GNA12: variants seen among roughly 807,000 people sequenced by gnomAD.
GNA12 encodes the protein guanine nucleotide-binding protein subunit alpha-12.
In GNA12, 9 loss-of-function variants were observed where a neutral mutation model predicts 26.0. The observed-to-expected ratio is 0.35, with a 90% confidence interval of 0.21 to 0.60. The LOEUF (loss-of-function observed/expected upper bound fraction) is 0.60. Ranked by LOEUF, GNA12 falls within the 20% of genes least tolerant of loss-of-function variation. The probability of loss-of-function intolerance (pLI) is 0.78; values close to 1 mark genes in which losing one functional copy is unlikely to be tolerated. For missense variants in GNA12, 405 were observed against 525.8 expected (o/e 0.77, Z 2.25); for synonymous variants, 264 against 219.6 (o/e 1.20, Z -1.79).
At chr7:2,818,660 G>C (rs934864362) in intron 1 of GNA12, among the ~76,000 whole-genome samples, 7 of 151,984 alleles carry the variant, frequency 4.6e-5, no homozygotes, top group African/African-American at 1.7e-4. Flanking sequence ...CTCCTCAAGT[G>C]GCTGAGGCAT....
At chr7:2,768,039 G>A (rs1791850805) in intron 2 of GNA12, among the ~76,000 whole-genome samples, 2 of 152,222 alleles carry the variant, frequency 1.3e-5, no homozygotes, top group Admixed American at 1.3e-4. Context: ...ATTTTTAGTA[G>A]AGACAGGGTT....
chr7:2,824,815 G>C (rs1793447164), intron 1 of GNA12, among the ~76,000 whole-genome samples: 1 of 152,164 alleles, frequency 6.6e-6, no homozygotes, highest in African/African-American at 2.4e-5. Context: ...GCGTAGCTGA[G>C]GGCCGGTGGC....
intron 1 of GNA12, among the ~76,000 whole-genome samples, chr7:2,810,438 A>G (rs1289049354): frequency 6.6e-6 from 1 of 152,250 alleles, no homozygotes; most frequent in African/African-American, 2.4e-5. Flanking sequence ...AGATGGACAC[A>G]TTCAGACCAT....
chr7:2,776,155 C>CT (rs978495222), intron 2 of GNA12, among the ~76,000 whole-genome samples: 1 of 152,200 alleles, frequency 6.6e-6, no homozygotes, highest in Non-Finnish European at 1.5e-5. Flanking sequence ...AGGCTGGTCT[C>CT]TAACTCCTAG....
At chr7:2,821,833 C>G (rs1793377148) in intron 1 of GNA12, among the ~76,000 whole-genome samples, 1 of 152,156 alleles carries the variant, frequency 6.6e-6, no homozygotes, top group Non-Finnish European at 1.5e-5. Flanking sequence ...ACTTTGTTTA[C>G]AAGATCATCA....
chr7:2,751,928 G>A (rs748885557), intron 2 of GNA12, among the ~76,000 whole-genome samples: 1 of 152,120 alleles, frequency 6.6e-6, no homozygotes, highest in Non-Finnish European at 1.5e-5. Flanking sequence ...AACACGTAAA[G>A]AAGAAATAAC....
At chr7:2,774,606 G>A (rs890717637) in intron 2 of GNA12, among the ~76,000 whole-genome samples, 2 of 152,196 alleles carry the variant, frequency 1.3e-5, no homozygotes, top group African/African-American at 2.4e-5. Context: ...TTGCTAATGT[G>A]TCGAATGCTT....
chr7:2,809,618 C>T (rs760421411), intron 1 of GNA12, among the ~76,000 whole-genome samples: 3 of 152,086 alleles, frequency 2.0e-5, no homozygotes, highest in Non-Finnish European at 2.9e-5. Context: ...CTGGGTACAC[C>T]GCCTTTGGGG....
chr7:2,785,696 C>A (rs557919479), intron 2 of GNA12, among the ~76,000 whole-genome samples: 1 of 146,410 alleles, frequency 6.8e-6, no homozygotes, highest in African/African-American at 2.7e-5. Context: ...TGTGTATGTG[C>A]ATACACACAC....
chr7:2,772,659 A>C lies in GNA12; in HGVS notation c.525+22269T>G, dbSNP rs575942645. 3.3e-5 allele frequency among the ~76,000 whole-genome samples: 5 copies of C among 152,316 alleles called. No individual in the cohort carries two copies. The South Asian group carries it at 1.0e-3, about 32-fold the overall frequency. On this transcript the variant is annotated intron_variant, in intron 2 of 3. Transcript: ENST00000275364. The stretch of plus-strand genomic sequence containing the variant: ...TCAATTGATACCCACCAGGAGGCTT[A>C]AAATCAAGAGGACAATGCCAAGTGT...
At chr7:2,817,967 T>C (rs923918366) in intron 1 of GNA12, among the ~76,000 whole-genome samples, 2 of 152,244 alleles carry the variant, frequency 1.3e-5, no homozygotes, top group African/African-American at 4.8e-5. Flanking sequence ...CCTGCTTTCA[T>C]AGTTAGGAAA....
intron 1 of GNA12, among the ~76,000 whole-genome samples, chr7:2,809,771 A>G (rs1182740061): frequency 6.6e-6 from 1 of 152,224 alleles, no homozygotes; most frequent in East Asian, 1.9e-4. Flanking sequence ...TAGAAGAAGC[A>G]ATTTTCACAC....
At chr7:2,809,672 C>A (rs965638019) in intron 1 of GNA12, among the ~76,000 whole-genome samples, 22 of 152,208 alleles carry the variant, frequency 1.4e-4, no homozygotes, top group African/African-American at 5.3e-4. Flanking sequence ...ATGAAAAAGC[C>A]TATTGACAGG....
intron 2 of GNA12, among the ~76,000 whole-genome samples, chr7:2,781,048 G>T (rs916867429): frequency 1.3e-5 from 2 of 152,170 alleles, no homozygotes; most frequent in Non-Finnish European, 2.9e-5. Context: ...TTGCAAATCT[G>T]TGAGTATATC....
At chr7:2,787,047 G>A (rs767106225) in intron 2 of GNA12, among the ~76,000 whole-genome samples, 6 of 152,142 alleles carry the variant, frequency 3.9e-5, no homozygotes, top group South Asian at 2.1e-4. Flanking sequence ...CAGCCTGGGC[G>A]TACTCACAAA....
At position 2,798,438 on chromosome 7, in the gene GNA12, C is replaced by G. The variant is rs1310599000; in HGVS notation, c.310-3295G>C. Among the ~76,000 whole-genome samples, 3 of 152,212 alleles carry G rather than the reference C, an allele frequency of 2.0e-5. No homozygotes were observed. In the South Asian group the frequency reaches 6.2e-4, roughly 32 times the overall value. On this transcript the variant is annotated intron_variant, in intron 1 of 3. Coordinates refer to ENST00000275364, the MANE Select transcript of GNA12 (RefSeq NM_007353.3). ...AAAGATGTACTACTACTAACTATCA[C>G]TAAAAAAACGAAACAGGTATAAATC...
At chr7:2,802,164 T>G (rs1317399588) in intron 1 of GNA12, among the ~76,000 whole-genome samples, 2 of 152,126 alleles carry the variant, frequency 1.3e-5, no homozygotes, top group Non-Finnish European at 2.9e-5. Flanking sequence ...AAATCCTTTT[T>G]TCAGTAATGG....
At chr7:2,820,866 G>A (rs1456051445) in intron 1 of GNA12, among the ~76,000 whole-genome samples, 1 of 152,224 alleles carries the variant, frequency 6.6e-6, no homozygotes, top group Non-Finnish European at 1.5e-5. Context: ...AGACTCCCAT[G>A]TAGCTGGGAT....
chr7:2,808,460 C>G (rs2115477770), intron 1 of GNA12, among the ~76,000 whole-genome samples: 1 of 152,316 alleles, frequency 6.6e-6, no homozygotes, highest in South Asian at 2.1e-4. Flanking sequence ...TAGGAGAGTG[C>G]CCAGGTGCTG....
Sources: gnomAD v4.1 joint callset for allele counts (sites outside exome capture counted in the v4.1 genomes callset) on GRCh38, gnomAD v4.1.1 for gene constraint, MANE v1.5 for transcripts, NCBI Gene and HGNC (gene_info 2026-07-23, HGNC 2026-07-21) for gene names.